Variants in ZNF804B observed in about 807,000 individuals in gnomAD.
ZNF804B encodes zinc finger 804B.
In ZNF804B, 80 loss-of-function variants were observed where a neutral mutation model predicts 101.4. The ratio of observed to expected loss-of-function variants is 0.79; its 90% confidence interval spans 0.66 to 0.95. ZNF804B has a LOEUF of 0.95. ZNF804B is among the 40% of genes least tolerant of loss of function. ZNF804B has a pLI of 0.00. For synonymous variants in ZNF804B, 622 were observed against 558.8 expected (o/e 1.11, Z -1.59); for missense variants, 1,673 against 1,561.9 (o/e 1.07, Z -1.20).
chr7:88,791,920 A>G (rs1790388083), intron 1 of ZNF804B, among the ~76,000 whole-genome samples: 1 of 152,042 alleles, frequency 6.6e-6, no homozygotes, highest in South Asian at 2.1e-4. Flanking sequence ...CACAATGTCA[A>G]CTGAGCTGGC....
At chr7:88,832,037 A>G (rs1055710262) in intron 1 of ZNF804B, among the ~76,000 whole-genome samples, 1 of 151,752 alleles carries the variant, frequency 6.6e-6, no homozygotes, top group Non-Finnish European at 1.5e-5. Context: ...TATTTTATCC[A>G]TTAGTATATG....
At chr7:89,112,037 C>A (rs1790225083) in intron 1 of ZNF804B, among the ~76,000 whole-genome samples, 1 of 148,412 alleles carries the variant, frequency 6.7e-6, no homozygotes, top group African/African-American at 2.5e-5. Context: ...ACCTGGGAGA[C>A]CTAGGTTGCA....
At chr7:89,282,797 A>G (rs1790120140) in intron 2 of ZNF804B, among the ~76,000 whole-genome samples, 1 of 152,198 alleles carries the variant, frequency 6.6e-6, no homozygotes, top group East Asian at 1.9e-4. Context: ...ATGCAGTCAC[A>G]AGCCAGGGAA....
In ZNF804B at chr7:89,007,982, T is replaced by C. The variant is rs1243048722; in HGVS notation, c.109-210173T>C. ...ATTTATCAGATGTAATTTATTTGCATTTCTATGAACAATAATTATTCTCAT... is the reference window on the plus strand; with the variant it reads ...ATTTATCAGATGTAATTTATTTGCACTTCTATGAACAATAATTATTCTCAT... On this transcript the variant is annotated intron_variant, in intron 1 of 3. Transcript: ENST00000333190. 3.3e-5 allele frequency among the ~76,000 whole-genome samples: 5 copies of C among 152,144 alleles called. 1 individual carries two copies. Among genetic ancestry groups the C allele is most frequent in the African/African-American group, 1.2e-4 (5 of 41,462 alleles).
At chr7:88,860,293 T>C (rs1791627575) in intron 1 of ZNF804B, among the ~76,000 whole-genome samples, 1 of 152,120 alleles carries the variant, frequency 6.6e-6, no homozygotes, top group Admixed American at 6.6e-5. Flanking sequence ...TGTATGTGTA[T>C]CATTTAGCAG....
intron 1 of ZNF804B, among the ~76,000 whole-genome samples, chr7:88,786,549 A>G (rs1362074188): frequency 6.6e-6 from 1 of 152,078 alleles, no homozygotes; most frequent in African/African-American, 2.4e-5. Flanking sequence ...ATTTTAATTT[A>G]TCAAACTGCT....
At chr7:89,042,248 G>A (rs147557837) in intron 1 of ZNF804B, among the ~76,000 whole-genome samples, 246 of 152,228 alleles carry the variant, frequency 1.6e-3, no homozygotes, top group Admixed American at 3.5e-3. Flanking sequence ...AATAATATGA[G>A]GGATAATAAT....
chr7:88,875,961 T>C (rs574855258), intron 1 of ZNF804B, among the ~76,000 whole-genome samples: 5 of 152,190 alleles, frequency 3.3e-5, no homozygotes, highest in East Asian at 1.9e-4. Context: ...GCTTATCCAC[T>C]GTGAGCAAGT....
intron 2 of ZNF804B, among the ~76,000 whole-genome samples, chr7:89,296,195 C>G (rs185332036): frequency 2.1e-4 from 32 of 152,054 alleles, no homozygotes; most frequent in Admixed American, 2.0e-3. Context: ...ATAAAATAGG[C>G]TCTTCTAAAA....
chr7:88,995,655 G>C (rs1788180914), intron 1 of ZNF804B, among the ~76,000 whole-genome samples: 1 of 151,994 alleles, frequency 6.6e-6, no homozygotes, highest in Non-Finnish European at 1.5e-5. Context: ...CACTCTTTAA[G>C]GGGGAGATGT....
chr7:88,778,411 C>T (rs1329605359), intron 1 of ZNF804B, among the ~76,000 whole-genome samples: 1 of 152,204 alleles, frequency 6.6e-6, no homozygotes, highest in Admixed American at 6.6e-5. Flanking sequence ...ACATGCAAGA[C>T]AGCACTCACA....
intron 1 of ZNF804B, among the ~76,000 whole-genome samples, chr7:89,143,755 G>C (rs1443741444): frequency 6.6e-6 from 1 of 151,940 alleles, no homozygotes; most frequent in African/African-American, 2.4e-5. Flanking sequence ...TCTCAAACTA[G>C]ATTCTGTTCA....
intron 2 of ZNF804B, among the ~76,000 whole-genome samples, chr7:89,319,272 T>C (rs571436755): frequency 6.6e-6 from 1 of 151,986 alleles, no homozygotes; most frequent in Non-Finnish European, 1.5e-5. Flanking sequence ...AAATAAATAA[T>C]TAATTAATTA....
intron 1 of ZNF804B, among the ~76,000 whole-genome samples, chr7:88,823,279 A>G (rs916736538): frequency 6.6e-6 from 1 of 152,184 alleles, no homozygotes; most frequent in African/African-American, 2.4e-5. Flanking sequence ...GTCATAGTGC[A>G]TATATACAGT....
chr7:89,138,531 G>A (rs1441823450), intron 1 of ZNF804B, among the ~76,000 whole-genome samples: 4 of 152,108 alleles, frequency 2.6e-5, no homozygotes, highest in Non-Finnish European at 5.9e-5. Flanking sequence ...GGACTTTGGA[G>A]TTAATGGTGA....
intron 1 of ZNF804B, among the ~76,000 whole-genome samples, chr7:89,053,343 C>G (rs967503818): frequency 6.6e-6 from 1 of 152,094 alleles, no homozygotes; most frequent in South Asian, 2.1e-4. Context: ...GTCACTCTCT[C>G]TTTACCTCAG....
intron 2 of ZNF804B, among the ~76,000 whole-genome samples, chr7:89,318,998 G>A (rs537365154): frequency 2.0e-5 from 3 of 152,296 alleles, no homozygotes; most frequent in African/African-American, 7.2e-5. Context: ...GGGATGGGCC[G>A]ACTTAATTGA....
At chr7:88,774,456 A>G (rs1790114324) in intron 1 of ZNF804B, among the ~76,000 whole-genome samples, 1 of 152,056 alleles carries the variant, frequency 6.6e-6, no homozygotes, top group Non-Finnish European at 1.5e-5. Flanking sequence ...TTCATTGGGT[A>G]TCTGTGTGTA....
intron 1 of ZNF804B, among the ~76,000 whole-genome samples, chr7:88,788,943 TG>T (rs1562793722): frequency 6.6e-6 from 1 of 152,174 alleles, no homozygotes; most frequent in Non-Finnish European, 1.5e-5. Flanking sequence ...CAGTTAAAAA[TG>T]GTTTCTTTTT....
Sources: gnomAD v4.1 joint callset for allele counts (sites outside exome capture counted in the v4.1 genomes callset) on GRCh38, gnomAD v4.1.1 for gene constraint, MANE v1.5 for transcripts, NCBI Gene and HGNC (gene_info 2026-07-23, HGNC 2026-07-21) for gene names.